RAB1A: variants seen among roughly 807,000 people sequenced by gnomAD.
RAB1A encodes the protein RAB1A, member RAS oncogene family, also known as ras-related protein Rab-1A.
In RAB1A, 2 loss-of-function variants were observed where a neutral mutation model predicts 26.0. The ratio of observed to expected loss-of-function variants is 0.08; its 90% CI spans 0.03 to 0.24. The LOEUF is 0.24. RAB1A is among the 10% of genes least tolerant of loss of function. The probability of loss-of-function intolerance (pLI) is 1.00; values close to 1 mark genes in which losing one functional copy is unlikely to be tolerated. For missense variants in RAB1A, 100 were observed against 247.0 expected (o/e 0.40, Z 3.99); for synonymous variants, 84 against 84.9 (o/e 0.99, Z 0.06).
intron 1 of RAB1A, among the ~76,000 whole-genome samples, chr2:65,117,319 C>T (rs1669848591): frequency 6.6e-6 from 1 of 152,168 alleles, no homozygotes; most frequent in African/African-American, 2.4e-5. Context: ...CCACCTCAGC[C>T]TCCCAAGTGG....
intron 1 of RAB1A, among the ~76,000 whole-genome samples, chr2:65,117,543 C>T (rs1669852962): frequency 1.3e-5 from 2 of 152,004 alleles, no homozygotes; most frequent in African/African-American, 4.8e-5. Flanking sequence ...ATGTTAGTGC[C>T]TAATTACTTG....
intron 1 of RAB1A, among the ~76,000 whole-genome samples, chr2:65,114,858 A>AC (rs1573084214): frequency 1.8e-5 from 1 of 56,972 alleles, no homozygotes; most frequent in African/African-American, 4.0e-5. Flanking sequence ...TCTCAAAAAA[A>AC]AAAAACAAAA....
chr2:65,092,747 G>A (rs1558576281), intron 3 of RAB1A, among the ~76,000 whole-genome samples: 1 of 152,162 alleles, frequency 6.6e-6, no homozygotes, highest in Non-Finnish European at 1.5e-5. Flanking sequence ...CAAGTAACTG[G>A]GACTACAGGC....
intron 2 of RAB1A, among the ~76,000 whole-genome samples, chr2:65,099,086 C>T (rs1212498590): frequency 6.6e-6 from 1 of 152,124 alleles, no homozygotes; most frequent in African/African-American, 2.4e-5. Flanking sequence ...ATCCCCCTGC[C>T]TGAGCCTCTC....
chr2:65,117,948 C>T (rs1444615653), intron 1 of RAB1A, among the ~76,000 whole-genome samples: 2 of 152,196 alleles, frequency 1.3e-5, no homozygotes, highest in Non-Finnish European at 2.9e-5. Flanking sequence ...ACATCCAAGC[C>T]TTTGAGTTAA....
intron 2 of RAB1A, among the ~76,000 whole-genome samples, chr2:65,101,680 T>C (rs1234441405): frequency 6.7e-6 from 1 of 149,882 alleles, no homozygotes. Flanking sequence ...TAAAGGCCTT[T>C]AATTACAAAT....
intron 1 of RAB1A, among the ~76,000 whole-genome samples, chr2:65,127,457 C>T (rs1378085777): frequency 6.6e-6 from 1 of 150,754 alleles, no homozygotes; most frequent in East Asian, 1.9e-4. Flanking sequence ...TTCTGCCGGG[C>T]GCGGTGGCTC....
At chr2:65,128,147 T>A (rs1452357508) in intron 1 of RAB1A, among the ~76,000 whole-genome samples, 2 of 152,166 alleles carry the variant, frequency 1.3e-5, no homozygotes, top group Non-Finnish European at 2.9e-5. Context: ...GTTTTTCAAA[T>A]TCTTTTATAT....
chr2:65,110,056 A>ATC (rs1483030978), intron 1 of RAB1A, among the ~76,000 whole-genome samples: 1 of 152,184 alleles, frequency 6.6e-6, no homozygotes, highest in African/African-American at 2.4e-5. Context: ...TCGTTGTGAG[A>ATC]TACAGCTACA....
chr2:65,123,410 C>A (rs930457650), intron 1 of RAB1A, among the ~76,000 whole-genome samples: 2 of 151,832 alleles, frequency 1.3e-5, no homozygotes, highest in African/African-American at 4.8e-5. Flanking sequence ...CCTCGTGATT[C>A]GCCCACCTCG....
intron 1 of RAB1A, among the ~76,000 whole-genome samples, chr2:65,109,697 G>A (rs1352888953): frequency 1.4e-5 from 2 of 145,202 alleles, no homozygotes; most frequent in Non-Finnish European, 3.0e-5. Context: ...GCAACAGAGC[G>A]AGACTCCATC....
chr2:65,104,961 C>T, intron 1 of RAB1A, 155 bp from the exon 2 acceptor site: 1 of 757,956 alleles, frequency 1.3e-6, no homozygotes, highest in Non-Finnish European at 2.4e-6. Context: ...TGCAAACAGC[C>T]ACAGCCCTTC....
chr2:65,098,112 C>A, intron 2 of RAB1A, 46 bp from the exon 3 acceptor site: 2 of 1,105,678 alleles, frequency 1.8e-6, no homozygotes, highest in Non-Finnish European at 2.5e-6. Flanking sequence ...TTCAGTGGAG[C>A]AGATGCAAGT....
chr2:65,125,862 GC>G (rs1446217498), intron 1 of RAB1A, among the ~76,000 whole-genome samples: 3 of 109,212 alleles, frequency 2.7e-5, no homozygotes, highest in African/African-American at 1.2e-4. Context: ...ACTTTCAATT[GC>G]CTTTTTTTTT....
At chr2:65,103,302 A>AAAAAAAAAAAAAAAAAAAAAAAAAC (rs1669477570) in intron 2 of RAB1A, among the ~76,000 whole-genome samples, 1 of 150,602 alleles carries the variant, frequency 6.6e-6, no homozygotes, top group Non-Finnish European at 1.5e-5. Flanking sequence ...TCTGTCTCAA[A>AAAAAAAAAAAAAAAAAAAAAAAAAC]AAAAAAAAAA....
At chr2:65,096,649 T>C (rs1471951344) in intron 3 of RAB1A, among the ~76,000 whole-genome samples, 2 of 152,266 alleles carry the variant, frequency 1.3e-5, no homozygotes, top group East Asian at 3.8e-4. Context: ...ATTTGTTCAC[T>C]GATTGAAAGT....
chr2:65,121,136 A>C (rs1669954276), intron 1 of RAB1A, among the ~76,000 whole-genome samples: 1 of 150,640 alleles, frequency 6.6e-6, no homozygotes, highest in Non-Finnish European at 1.5e-5. Flanking sequence ...CAGGAGGCTG[A>C]GACAGGAGGA....
intron 4 of RAB1A, among the ~76,000 whole-genome samples, chr2:65,089,326 C>A (rs1310608279): frequency 2.0e-5 from 3 of 152,178 alleles, no homozygotes; most frequent in Non-Finnish European, 2.9e-5. Flanking sequence ...CATCCTCCCG[C>A]CTCCGCCTCC....
intron 1 of RAB1A, among the ~76,000 whole-genome samples, chr2:65,125,436 T>C (rs1035460456): frequency 1.4e-5 from 2 of 147,914 alleles, no homozygotes; most frequent in African/African-American, 5.0e-5. Flanking sequence ...TTTTTTTTTT[T>C]TTTTTTGAGG....
Sources: allele counts gnomAD v4.1 joint callset (sites outside exome capture counted in the v4.1 genomes callset), GRCh38; gene constraint gnomAD v4.1.1; transcripts MANE v1.5; gene names NCBI Gene and HGNC (gene_info 2026-07-23, HGNC 2026-07-21).